PIK3C2B: variants seen among roughly 807,000 people sequenced by gnomAD.
The protein encoded by PIK3C2B is phosphatidylinositol 4-phosphate 3-kinase C2 domain-containing subunit beta.
Under a neutral mutation model 184.3 loss-of-function variants are expected in PIK3C2B, and 83 were observed. The observed-to-expected ratio is 0.45, with a 90% CI of 0.38 to 0.54. The LOEUF (loss-of-function observed/expected upper bound fraction) is 0.54, where lower values mean the gene tolerates loss of function less well. Among genes scored for constraint, PIK3C2B ranks in the 20% least tolerant of loss-of-function variants. The pLI, the probability that PIK3C2B is intolerant of heterozygous loss-of-function variation, is 0.00. For synonymous variants in PIK3C2B, 779 were observed against 837.6 expected, an observed-to-expected ratio of 0.93 and a Z score of 1.21; for missense variants, 1,736 against 2,113.5, an observed-to-expected ratio of 0.82 and a Z score of 3.50.
At chr1:204,459,763 C>T in intron 8 of PIK3C2B, 115 bp downstream of exon 8, 1 of 866,682 alleles carries the variant, frequency 1.2e-6, no homozygotes, top group Non-Finnish European at 1.9e-6. Flanking sequence ...GCTCTGCCAA[C>T]AGATTTTCAG....
chr1:204,433,482 G>A lies in PIK3C2B; in HGVS notation c.3844-57C>T, dbSNP rs1675180920. ...CCTGTAACAACAGAGAATTCTTGCT[G>A]CTTCTCTACCCTTAGGCAAGGTTTT... is the stretch of plus-strand genomic sequence containing the variant. On this transcript the variant is annotated intron_variant, in intron 25 of 32. Transcript: ENST00000684373. The surrounding 1 kb of genome is among the most constrained non-coding windows in gnomAD (Gnocchi z 5.0). The A allele has an allele frequency of 8.9e-7, 1 of 1,128,436 alleles. No homozygotes were observed. Among genetic ancestry groups the A allele is most frequent in the Non-Finnish European group, 1.3e-6 (1 of 742,514 alleles). The allele number at this position is 1,128,436 out of a possible 1,614,324, so 69.9% of individuals were successfully genotyped here. A position where few individuals can be genotyped will look rare whatever the true frequency, so the allele number is the denominator to read the frequency against.
chr1:204,440,336 A>C lies in PIK3C2B; in HGVS notation c.3250-15T>G. 6.4e-7 allele frequency: 1 copy of C among 1,570,730 alleles called. No homozygotes were observed. The highest frequency in any genetic ancestry group is 8.6e-7 in the Non-Finnish European group (1 of 1,157,520). ...TCGTCCCCACACTGGATGGAGGGAGAAAGTGACCAGATCTAATCTCCACTA... is the reference window on the plus strand; with the variant it reads ...TCGTCCCCACACTGGATGGAGGGAGCAAGTGACCAGATCTAATCTCCACTA... On this transcript the variant is annotated splice_polypyrimidine_tract_variant and intron_variant, in intron 21 of 32. Transcript: ENST00000684373.
intron 31 of PIK3C2B, among the ~76,000 whole-genome samples, 186 bp downstream of exon 31, chr1:204,427,462 G>A (rs114264036): frequency 2.4e-4 from 36 of 152,302 alleles, no homozygotes; most frequent in African/African-American, 8.4e-4. Flanking sequence ...AAAGACCACA[G>A]CTACAAAAAG....
chr1:204,443,129 C>A (rs61763417), intron 19 of PIK3C2B, among the ~76,000 whole-genome samples: 1,859 of 152,320 alleles, frequency 0.012, 53 homozygotes, highest in African/African-American at 0.043. Flanking sequence ...CTCACTTGCC[C>A]CTTCTGGCTG....
rs762664891 is a variant in PIK3C2B at position 204,434,557 on chromosome 1, C to T, written c.3568G>A (p.Val1190Ile). ...TTATGTCGGTCACAGATGCCCAAGA[C>T]GTACGTGGCCACGCAGCAGCCAGCG... ...SCAGCCVATY[V>I]LGICDRHNDN... Residue 1190 changes from valine (V) to isoleucine (I), a missense_variant, in exon 24 of 33, where the codon GTC (valine) becomes ATC (isoleucine). Coordinates refer to ENST00000684373, the MANE Select transcript of PIK3C2B (RefSeq NM_001377334.1). The T allele has an allele frequency of 9.9e-6, 16 of 1,614,152 alleles. 1 individual carries two copies. Among genetic ancestry groups the T allele is most frequent in the South Asian group, 2.2e-5 (2 of 91,086 alleles).
At chr1:204,453,151 T>C (rs1654517780) in intron 12 of PIK3C2B, among the ~76,000 whole-genome samples, 1 of 152,176 alleles carries the variant, frequency 6.6e-6, no homozygotes. Context: ...AATACTTAGC[T>C]TGCAGTGCTG....
rs1315717313 is a variant in PIK3C2B, at chr1:204,469,759, T to C, written c.44A>G (p.Glu15Gly). The change falls in exon 2 of 33, where the codon GAG (glutamate) becomes GGG (glycine). Residue 15 changes from glutamate (E) to glycine (G), a missense_variant. Physicochemically the swap from Glu to Gly is moderately conservative, Grantham distance 98. Transcript: ENST00000684373. ...CTCTTTGCGGCTGATGCCCACTGAC[T>C]CCAGGGACTTCCAGTGTTCCCCATT... Reference protein sequence around the residue: ...QGNGEHWKSLESVGISRKELA... With the variant: ...QGNGEHWKSLGSVGISRKELA... 3.1e-6 allele frequency: 5 copies of C among 1,613,988 alleles called. No individual in the cohort carries two copies. The highest frequency in any genetic ancestry group is 2.2e-5 in the South Asian group (2 of 91,068).
intron 12 of PIK3C2B, among the ~76,000 whole-genome samples, chr1:204,453,404 T>C (rs1654539278): frequency 6.6e-6 from 1 of 152,254 alleles, no homozygotes; most frequent in Non-Finnish European, 1.5e-5. Context: ...TGATTAATAT[T>C]ACCTTGTGCT....
rs757656669 is a variant in PIK3C2B, at chr1:204,447,662, C to T, written c.2347-84G>A. On this transcript the variant is annotated intron_variant, in intron 14 of 32. Coordinates refer to ENST00000684373, the MANE Select transcript of PIK3C2B (RefSeq NM_001377334.1). The surrounding 1 kb of genome is among the most constrained non-coding windows in gnomAD (Gnocchi z 4.1). ...GCTTCTTTCTCTCACCCCAGCATTC[C>T]GGCCTTGTCCCTCCCTCACTTTCCC... 5 of 950,666 alleles carry T rather than the reference C, an allele frequency of 5.3e-6. No homozygotes were observed. Among genetic ancestry groups the T allele is most frequent in the Non-Finnish European group, 8.1e-6 (5 of 613,664 alleles). 58.9% of individuals were successfully genotyped at this position (950,666 alleles called of 1,614,324 possible).
chr1:204,464,698 C>A lies in PIK3C2B; in HGVS notation c.1035-94G>T, dbSNP rs1655611979. ...AACCTCATGCTCTGAGGCTCAAGAG[C>A]CCCTCTGTCCCCACTCAGCCCAGCC... is the stretch of plus-strand genomic sequence containing the variant. On this transcript the variant is annotated intron_variant, in intron 3 of 32. Transcript: ENST00000684373. 18 of 1,192,886 alleles carry A rather than the reference C, an allele frequency of 1.5e-5. No homozygotes were observed. The East Asian group carries it at 4.1e-4, about 27-fold the overall frequency. 73.9% of individuals were successfully genotyped at this position (1,192,886 alleles called of 1,614,324 possible).
chr1:204,434,592 A>T lies in PIK3C2B; in HGVS notation c.3533T>A (p.Ile1178Asn), dbSNP rs756753122. 6.2e-7 allele frequency: 1 copy of T among 1,613,602 alleles called. No individual in the cohort carries two copies. The highest frequency in any genetic ancestry group is 8.5e-7 in the Non-Finnish European group (1 of 1,179,546). Residue 1178 changes from isoleucine (I) to asparagine (N), a missense_variant, in exon 24 of 33, where the codon ATC becomes AAC. Around this residue, in one of 8 missense-constraint regions of PIK3C2B, gnomAD observed 289 missense variants for 380.4 expected, o/e 0.76. Transcript: ENST00000684373. ...DEYEKAVENFIYSCAGCCVAT... is the reference protein window; with the variant it reads ...DEYEKAVENFNYSCAGCCVAT... ...CACGCAGCAGCCAGCGCAGGAGTAG[A>T]TAAAGTTCTCCACAGCCTGGGAGGG... is the stretch of plus-strand genomic sequence containing the variant.
At chr1:204,479,035 T>C (rs1192800461) in intron 1 of PIK3C2B, among the ~76,000 whole-genome samples, 4 of 152,210 alleles carry the variant, frequency 2.6e-5, no homozygotes, top group Admixed American at 2.6e-4. Flanking sequence ...GAGACCAGGA[T>C]GGAAGAGGTG....
chr1:204,451,610 C>A (rs1572334424), intron 12 of PIK3C2B, among the ~76,000 whole-genome samples: 1 of 152,176 alleles, frequency 6.6e-6, no homozygotes, highest in Admixed American at 6.5e-5. Context: ...TTCTGCCACT[C>A]ACAATCCTGG....
chr1:204,458,941 T>C (rs1003866654), intron 8 of PIK3C2B, among the ~76,000 whole-genome samples: 1 of 152,224 alleles, frequency 6.6e-6, no homozygotes, highest in Non-Finnish European at 1.5e-5. Flanking sequence ...TGGCAGTGAC[T>C]AGACATAATG....
intron 15 of PIK3C2B, among the ~76,000 whole-genome samples, chr1:204,446,983 A>G (rs3106365): frequency 0.9 from 137,168 of 152,104 alleles, 63,234 homozygotes; most frequent in Non-Finnish European, 1. Flanking sequence ...GCCTGGACTC[A>G]CGTACCCCTG....
intron 29 of PIK3C2B, 113 bp from the exon 30 acceptor site, chr1:204,428,333 A>G (rs556364952): frequency 9.0e-6 from 6 of 664,948 alleles, no homozygotes; most frequent in Non-Finnish European, 1.6e-5. Flanking sequence ...AACCAACAAC[A>G]TGCAGTTCTT....
intron 30 of PIK3C2B, among the ~76,000 whole-genome samples, 153 bp downstream of exon 30, chr1:204,427,986 C>G (rs752747292): frequency 1.3e-5 from 2 of 152,166 alleles, no homozygotes; most frequent in African/African-American, 4.8e-5. Context: ...ATGGACCCCA[C>G]GGCCTGAGTG....
intron 22 of PIK3C2B, 107 bp downstream of exon 22, chr1:204,440,085 G>T: frequency 8.7e-7 from 1 of 1,149,302 alleles, no homozygotes; most frequent in Non-Finnish European, 1.2e-6. Context: ...AAATAATCTT[G>T]CCCTTTTCAC....
Position 204,423,927 on chromosome 1 carries a change from TGAAG to T in PIK3C2B, c.*921_*924del, listed in dbSNP as rs2103459325. ...AGTATTTTGTCCCACCAGAGACAAATGAAGGGAGAGACCTATGGGGAAGCACCCC... is the reference window on the plus strand; with the variant it reads ...AGTATTTTGTCCCACCAGAGACAAATGGAGAGACCTATGGGGAAGCACCCC... On this transcript the variant is annotated 3_prime_UTR_variant, in exon 33 of 33. Coordinates refer to ENST00000684373, the MANE Select transcript of PIK3C2B (RefSeq NM_001377334.1). 1 of 151,998 alleles carries T rather than the reference TGAAG, an allele frequency of 6.6e-6. No individual in the cohort carries two copies. The highest frequency in any genetic ancestry group is 6.6e-5 in the Admixed American group (1 of 15,226). 9.4% of individuals were successfully genotyped at this position (151,998 alleles called of 1,614,324 possible). A position where few individuals can be genotyped will look rare whatever the true frequency, so the allele number is the denominator to read the frequency against.
Sources: allele counts gnomAD v4.1 joint callset (sites outside exome capture counted in the v4.1 genomes callset), GRCh38; gene constraint gnomAD v4.1.1; regional missense constraint gnomAD v4.1.1; non-coding constraint Gnocchi (gnomAD v3.1); transcripts MANE v1.5; gene names NCBI Gene and HGNC (gene_info 2026-07-23, HGNC 2026-07-21).